Variants in SEC14L1 observed in about 807,000 individuals in gnomAD.
SEC14L1 encodes the protein SEC14 like lipid binding 1, also known as SEC14-like protein 1.
Under a neutral mutation model 85.3 loss-of-function variants are expected in SEC14L1, and 48 were observed. The observed-to-expected ratio is 0.56, with a 90% CI of 0.45 to 0.72. SEC14L1 has a LOEUF of 0.72. Ranked by LOEUF, SEC14L1 falls within the 30% of genes least tolerant of loss-of-function variation. The probability of loss-of-function intolerance (pLI) is 0.00; values close to 1 mark genes in which losing one functional copy is unlikely to be tolerated. For synonymous variants in SEC14L1, 391 were observed against 355.5 expected (o/e 1.10, Z -1.12); for missense variants, 682 against 921.4 (o/e 0.74, Z 3.36).
At chr17:77,212,228 G>A (rs767830677) in intron 15 of SEC14L1, 27 bp downstream of exon 15, 25 of 1,609,104 alleles carry the variant, frequency 1.6e-5, no homozygotes, top group South Asian at 4.4e-5. Flanking sequence ...GTCAAATCGC[G>A]CATCCGTGAC....
At chr17:77,144,206 C>T (rs144046131) in intron 3 of SEC14L1, among the ~76,000 whole-genome samples, 16 of 152,134 alleles carry the variant, frequency 1.1e-4, no homozygotes, top group Admixed American at 3.3e-4. Flanking sequence ...TTTAGATTAC[C>T]GTAGGGTATT....
intron 3 of SEC14L1, among the ~76,000 whole-genome samples, chr17:77,170,928 CAT>C (rs1974498425): frequency 1.3e-5 from 2 of 152,078 alleles, no homozygotes; most frequent in Non-Finnish European, 2.9e-5. Context: ...GTTTTAACTA[CAT>C]GTTTAGCTGT....
rs118002927 is a variant in SEC14L1, at chr17:77,215,714, G to A, written c.*1691G>A. 15 of 992,556 alleles carry A rather than the reference G, an allele frequency of 1.5e-5. No homozygotes were observed. Among genetic ancestry groups the A allele is most frequent in the East Asian group, 1.0e-4 (1 of 9,696 alleles). 61.5% of individuals were successfully genotyped at this position (992,556 alleles called of 1,614,324 possible). On this transcript the variant is annotated 3_prime_UTR_variant, in exon 17 of 17. Coordinates refer to ENST00000436233, the MANE Select transcript of SEC14L1 (RefSeq NM_001143998.2). ...TGAAGCCTTTGCTTCCGGAAAGCGC[G>A]GTAGGGTTCGTAGGTAGGGCTAGTA...
At chr17:77,127,004 TTTTCTC>T (rs1285277549) in intron 3 of SEC14L1, among the ~76,000 whole-genome samples, 17 of 152,100 alleles carry the variant, frequency 1.1e-4, no homozygotes, top group Non-Finnish European at 1.5e-5. Flanking sequence ...TTTTTTTTCT[TTTTCTC>T]TTTATTTCTT....
chr17:77,139,319 C>G (rs760421747), upstream of SEC14L1, among the ~76,000 whole-genome samples: 3 of 151,948 alleles, frequency 2.0e-5, no homozygotes, highest in Non-Finnish European at 4.4e-5. Flanking sequence ...TTACAGGCAT[C>G]TGGCACCACA....
intron 6 of SEC14L1, among the ~76,000 whole-genome samples, 168 bp downstream of exon 6, chr17:77,193,717 G>C (rs953513313): frequency 5.3e-5 from 8 of 152,322 alleles, no homozygotes; most frequent in Admixed American, 4.6e-4. Context: ...GGTTGAGGTT[G>C]TGCTGGTTGC....
At chr17:77,104,840 G>T (rs4788977) in intron 3 of SEC14L1, among the ~76,000 whole-genome samples, 1 of 150,020 alleles carries the variant, frequency 6.7e-6, no homozygotes, top group Non-Finnish European at 1.5e-5. Context: ...GTGTGTCAAG[G>T]TTGAGGACAC....
intron 3 of SEC14L1, among the ~76,000 whole-genome samples, chr17:77,171,980 A>G (rs1212784476): frequency 3.3e-5 from 5 of 152,188 alleles, no homozygotes; most frequent in Non-Finnish European, 7.3e-5. Flanking sequence ...CTCTTCCTAA[A>G]TAGGTTTGTT....
At chr17:77,195,634 TGCACCGCCAC>T (rs1396956009) in intron 7 of SEC14L1, among the ~76,000 whole-genome samples, 2 of 152,270 alleles carry the variant, frequency 1.3e-5, no homozygotes, top group East Asian at 3.9e-4. Context: ...ATTATAAGCC[TGCACCGCCAC>T]GCCTGACTAA....
At chr17:77,091,539 C>G (rs567534814) in intron 2 of SEC14L1, among the ~76,000 whole-genome samples, 2 of 152,214 alleles carry the variant, frequency 1.3e-5, no homozygotes, top group Non-Finnish European at 2.9e-5. Context: ...CCAGAGCAGC[C>G]GCAAGCCACA....
chr17:77,108,105 G>A (rs962778141), intron 3 of SEC14L1, among the ~76,000 whole-genome samples: 2 of 151,030 alleles, frequency 1.3e-5, no homozygotes, highest in African/African-American at 2.4e-5. Flanking sequence ...CCATGCGCAC[G>A]CACACACACA....
Position 77,214,596 on chromosome 17 carries a change from C to T in SEC14L1, c.*573C>T. On this transcript the variant is annotated 3_prime_UTR_variant, in exon 17 of 17. Coordinates refer to ENST00000436233, the MANE Select transcript of SEC14L1 (RefSeq NM_001143998.2). ...CCTGCGGAGTACCTTGTCCCAGGGCCAGACACACCCACACCACCCACTGTC... is the reference window on the plus strand; with the variant it reads ...CCTGCGGAGTACCTTGTCCCAGGGCTAGACACACCCACACCACCCACTGTC... 1.0e-6 allele frequency: 1 copy of T among 987,474 alleles called. No individual in the cohort carries two copies. Among genetic ancestry groups the T allele is most frequent in the Non-Finnish European group, 1.2e-6 (1 of 831,330 alleles). The allele number at this position is 987,474 out of a possible 1,614,324, so 61.2% of individuals were successfully genotyped here.
At chr17:77,090,021 GA>G (rs111754962) in intron 2 of SEC14L1, 3,681 of 125,808 alleles carry the variant, frequency 0.029, 130 homozygotes, top group African/African-American at 0.093. Context: ...AAAACTCCGA[GA>G]AAAAAAAAAA....
At chr17:77,176,493 C>T (rs1015053551) in intron 3 of SEC14L1, among the ~76,000 whole-genome samples, 1 of 152,228 alleles carries the variant, frequency 6.6e-6, no homozygotes, top group African/African-American at 2.4e-5. Flanking sequence ...TGCCTCCTGC[C>T]TCTATCAGTA....
chr17:77,090,291 C>CAAAAAAAAA (rs541086562), intron 2 of SEC14L1, among the ~76,000 whole-genome samples: 12 of 112,204 alleles, frequency 1.1e-4, no homozygotes, highest in East Asian at 5.0e-4. Context: ...GACTCCATCT[C>CAAAAAAAAA]AAAAAAAAAA....
chr17:77,211,816 G>A lies in SEC14L1; in HGVS notation c.1612-134G>A, dbSNP rs143838810. On this transcript the variant is annotated intron_variant, in intron 14 of 16. Transcript: ENST00000436233. Reference sequence around the variant, plus strand: ...TGTGTGACTCTGGGGAAAGAGATCCGTCCATACGCATTCAGCGTTTCCCTC... The same window carrying A: ...TGTGTGACTCTGGGGAAAGAGATCCATCCATACGCATTCAGCGTTTCCCTC... 1.5e-5 allele frequency: 17 copies of A among 1,116,708 alleles called. 2 individuals carry two copies. The highest frequency in any genetic ancestry group is 7.9e-5 in the Admixed American group (4 of 50,620). The allele number at this position is 1,116,708 out of a possible 1,614,324, so 69.2% of individuals were successfully genotyped here.
intron 2 of SEC14L1, among the ~76,000 whole-genome samples, chr17:77,092,555 A>AT (rs1971542072): frequency 6.6e-6 from 1 of 152,176 alleles, no homozygotes; most frequent in Non-Finnish European, 1.5e-5. Flanking sequence ...GTAGGTTGAT[A>AT]ACCAGGTTGT....
At chr17:77,126,132 C>T (rs1432743979) in intron 3 of SEC14L1, among the ~76,000 whole-genome samples, 1 of 152,252 alleles carries the variant, frequency 6.6e-6, no homozygotes, top group Admixed American at 6.5e-5. Context: ...TCCTGGGTGA[C>T]AGAGCGAGAC....
At chr17:77,107,691 C>T (rs947937077) in intron 3 of SEC14L1, among the ~76,000 whole-genome samples, 10 of 152,248 alleles carry the variant, frequency 6.6e-5, no homozygotes, top group Non-Finnish European at 8.8e-5. Context: ...TTCCCGGTGA[C>T]GTAAAGGTGC....
Sources: gnomAD v4.1 joint callset for allele counts (sites outside exome capture counted in the v4.1 genomes callset) on GRCh38, gnomAD v4.1.1 for gene constraint, MANE v1.5 for transcripts, NCBI Gene and HGNC (gene_info 2026-07-23, HGNC 2026-07-21) for gene names.